The following RBMS1 variants were observed in gnomAD, a reference collection of about 807,000 sequenced individuals.
The protein encoded by RBMS1 is RNA-binding motif, single-stranded-interacting protein 1.
RBMS1 carries 17 observed loss-of-function variants against 62.3 expected under a neutral mutation model. The ratio of observed to expected loss-of-function variants is 0.27; its 90% CI spans 0.19 to 0.41. The LOEUF (loss-of-function observed/expected upper bound fraction) is 0.41. Ranked by LOEUF, RBMS1 falls within the 10% of genes least tolerant of loss-of-function variation. The pLI is 1.00. For missense variants in RBMS1, 334 were observed against 504.5 expected (o/e 0.66, Z 3.24); for synonymous variants, 172 against 170.0 (o/e 1.01, Z -0.09).
rs569580064 is a variant in RBMS1, at chr2:160,465,888, A to ACACACACT, written c.75+27400_75+27401insAGTGTGTG. 4.4e-3 allele frequency among the ~76,000 whole-genome samples: 634 copies of ACACACACT among 145,374 alleles called. 7 individuals carry two copies. Among genetic ancestry groups the ACACACACT allele is most frequent in the East Asian group, 0.032 (163 of 5,032 alleles). The stretch of plus-strand genomic sequence containing the variant: ...CATACACACACACACACACACACAC[A>ACACACACT]CTCTCACATTTCTAGAATTTCAATC... On this transcript the variant is annotated intron_variant, in intron 1 of 13. Coordinates refer to ENST00000348849, the MANE Select transcript of RBMS1 (RefSeq NM_016836.4).
chr2:160,278,257 AG>A (rs1258473971), intron 11 of RBMS1: 4 of 395,096 alleles, frequency 1.0e-5, no homozygotes, highest in Non-Finnish European at 1.9e-5. Flanking sequence ...ACACTGCCAC[AG>A]GGACAGTGGT....
At chr2:160,444,015 C>G (rs904573631) in intron 1 of RBMS1, among the ~76,000 whole-genome samples, 1 of 151,948 alleles carries the variant, frequency 6.6e-6, no homozygotes, top group African/African-American at 2.4e-5. Flanking sequence ...TATCTTTGAC[C>G]CCAAACTCTC....
chr2:160,476,961 A>C (rs968166182), intron 1 of RBMS1, among the ~76,000 whole-genome samples: 1 of 152,216 alleles, frequency 6.6e-6, no homozygotes, highest in Non-Finnish European at 1.5e-5. Flanking sequence ...CTAAATACAC[A>C]TGCAACCTCA....
intron 7 of RBMS1, among the ~76,000 whole-genome samples, chr2:160,286,693 A>T (rs1039643011): frequency 6.6e-6 from 1 of 152,188 alleles, no homozygotes; most frequent in African/African-American, 2.4e-5. Context: ...GCAATTTAGA[A>T]TGCTCTTTTA....
chr2:160,328,527 G>A (rs1048680163), intron 2 of RBMS1, among the ~76,000 whole-genome samples: 3 of 152,030 alleles, frequency 2.0e-5, no homozygotes, highest in Non-Finnish European at 4.4e-5. Context: ...CAGCAGTGAG[G>A]AGAAGGGAAA....
intron 1 of RBMS1, among the ~76,000 whole-genome samples, chr2:160,474,920 A>G (rs569391879): frequency 3.9e-5 from 6 of 152,324 alleles, no homozygotes; most frequent in African/African-American, 1.4e-4. Flanking sequence ...ATGGTGTGAT[A>G]ATCTTTCACA....
At chr2:160,281,986 C>A in intron 9 of RBMS1, 1 of 259,530 alleles carries the variant, frequency 3.9e-6, no homozygotes, top group Non-Finnish European at 7.7e-6. Context: ...TGGGCATCCA[C>A]ACAGTAGACC....
At chr2:160,426,290 A>AAAGAAAGAAAGAAAGAAAGG (rs1248344627) in intron 1 of RBMS1, among the ~76,000 whole-genome samples, 7 of 66,956 alleles carry the variant, frequency 1.0e-4, no homozygotes, top group East Asian at 5.1e-4. Flanking sequence ...AGAAAGAAAG[A>AAAGAAAGAAAGAAAGAAAGG]AAAGAAAGAA....
chr2:160,460,291 T>C (rs2105331064), intron 1 of RBMS1, among the ~76,000 whole-genome samples: 1 of 152,300 alleles, frequency 6.6e-6, no homozygotes, highest in African/African-American at 2.4e-5. Context: ...GCAGCCTGGG[T>C]GCCTTCACCA....
chr2:160,462,617 CTTT>C (rs757917084), intron 1 of RBMS1, among the ~76,000 whole-genome samples: 1 of 151,908 alleles, frequency 6.6e-6, no homozygotes, highest in Non-Finnish European at 1.5e-5. Context: ...TCATTTCTTT[CTTT>C]TTTTTGAGAT....
Position 160,281,317 on chromosome 2 carries a change from G to T in RBMS1, c.948C>A (p.His316Gln). ...WMQPQPYILQHPGAVLTPSME... is the reference protein window; with the variant it reads ...WMQPQPYILQQPGAVLTPSME... ...GTCATTAAGATAAAAAACTTACAGG[G>T]TGCTGTAGAATATATGGTTGAGGTT... is the stretch of plus-strand genomic sequence containing the variant. Residue 316 changes from histidine to glutamine, a missense_variant, in exon 10 of 14, where the codon CAC (histidine) becomes CAA (glutamine). Coordinates refer to ENST00000348849, the MANE Select transcript of RBMS1 (RefSeq NM_016836.4). The T allele has an allele frequency of 6.2e-7, 1 of 1,605,240 alleles. No homozygotes were observed. Among genetic ancestry groups the T allele is most frequent in the Non-Finnish European group, 8.5e-7 (1 of 1,174,590 alleles).
intron 11 of RBMS1, 180 bp from the exon 12 acceptor site, chr2:160,277,563 C>G: frequency 2.4e-6 from 1 of 412,946 alleles, no homozygotes; most frequent in South Asian, 8.2e-5. Context: ...AAACTGTTTT[C>G]TACTTTTTGA....
At chr2:160,428,977 T>C (rs1381434004) in intron 1 of RBMS1, among the ~76,000 whole-genome samples, 2 of 152,206 alleles carry the variant, frequency 1.3e-5, no homozygotes, top group African/African-American at 4.8e-5. Context: ...TCCTCCTAGT[T>C]TGGCTATTAG....
At chr2:160,393,216 G>A (rs1694953040) in intron 1 of RBMS1, among the ~76,000 whole-genome samples, 2 of 152,150 alleles carry the variant, frequency 1.3e-5, no homozygotes, top group Admixed American at 6.5e-5. Context: ...GAAGAAAAAT[G>A]GTCAAAATTC....
chr2:160,471,716 T>TAAAA (rs1553532606), intron 1 of RBMS1, among the ~76,000 whole-genome samples: 2 of 76,234 alleles, frequency 2.6e-5, no homozygotes, highest in African/African-American at 8.9e-5. Flanking sequence ...TATATATATA[T>TAAAA]AACCTTTCAT....
rs1482451209 is a variant in RBMS1, at chr2:160,360,330, T to A, written c.251+6886A>T. On this transcript the variant is annotated intron_variant, in intron 2 of 13. Transcript: ENST00000348849. Reference sequence around the variant, plus strand: ...CTATGAGAGTCCTTGCCTTCTCCAATCCACTCTTCCTACTTTTGTCAAAAT... The same window carrying A: ...CTATGAGAGTCCTTGCCTTCTCCAAACCACTCTTCCTACTTTTGTCAAAAT... 2.6e-5 allele frequency among the ~76,000 whole-genome samples: 4 copies of A among 152,102 alleles called. No individual in the cohort carries two copies. In the East Asian group the frequency reaches 7.7e-4, roughly 29 times the overall value.
intron 6 of RBMS1, among the ~76,000 whole-genome samples, chr2:160,297,049 C>T (rs185900898): frequency 6.6e-6 from 1 of 152,280 alleles, no homozygotes; most frequent in East Asian, 1.9e-4. Flanking sequence ...AACTTTAACC[C>T]TTGGGCATGC....
At chr2:160,396,550 C>CTTTTTTTTTTT (rs59600753) in intron 1 of RBMS1, among the ~76,000 whole-genome samples, 6 of 77,850 alleles carry the variant, frequency 7.7e-5, no homozygotes, top group African/African-American at 9.9e-5. Flanking sequence ...TTCTTTTTAT[C>CTTTTTTTTTTT]TTTTTTTTTT....
intron 1 of RBMS1, among the ~76,000 whole-genome samples, chr2:160,407,043 C>T (rs1195346705): frequency 6.6e-6 from 1 of 151,952 alleles, no homozygotes; most frequent in Non-Finnish European, 1.5e-5. Context: ...CACACACACA[C>T]AGACACACGT....
Sources: allele counts gnomAD v4.1 joint callset (sites outside exome capture counted in the v4.1 genomes callset), GRCh38; gene constraint gnomAD v4.1.1; transcripts MANE v1.5; gene names NCBI Gene and HGNC (gene_info 2026-07-23, HGNC 2026-07-21).